Variants in TGFBI observed in about 807,000 individuals in gnomAD.
The protein encoded by TGFBI is transforming growth factor-beta-induced protein ig-h3.
In TGFBI, 50 loss-of-function variants were observed where a neutral mutation model predicts 73.7. The ratio of observed to expected loss-of-function variants is 0.68; its 90% confidence interval spans 0.54 to 0.86. The LOEUF is 0.86. TGFBI is among the 40% of genes least tolerant of loss of function. The pLI is 0.00. For missense variants in TGFBI, 839 were observed against 877.0 expected, an observed-to-expected ratio of 0.96 and a Z score of 0.55; for synonymous variants, 362 against 360.5, an observed-to-expected ratio of 1.00 and a Z score of -0.05.
chr5:136,061,193 C>T, intron 14 of TGFBI: 1 of 575,094 alleles, frequency 1.7e-6, no homozygotes, highest in Non-Finnish European at 3.1e-6. Context: ...GCCCAGTTTT[C>T]TGTATTCGCG....
chr5:136,053,888 T>A (rs1264215958), intron 8 of TGFBI, 55 bp from the exon 9 acceptor site: 15 of 1,606,310 alleles, frequency 9.3e-6, no homozygotes, highest in Non-Finnish European at 1.3e-5. Flanking sequence ...GGTGGATGAA[T>A]GATAAATGAA....
chr5:136,045,092 T>C (rs1338349309), intron 3 of TGFBI, among the ~76,000 whole-genome samples: 1 of 152,184 alleles, frequency 6.6e-6, no homozygotes, highest in Non-Finnish European at 1.5e-5. Flanking sequence ...CCAACTGTAT[T>C]GGCTATTTTT....
At chr5:136,043,771 T>G (rs1410161343) in intron 2 of TGFBI, among the ~76,000 whole-genome samples, 1 of 152,224 alleles carries the variant, frequency 6.6e-6, no homozygotes, top group East Asian at 1.9e-4. Context: ...TGCATTATGT[T>G]TTCTAGTCAC....
chr5:136,046,316 C>A lies in TGFBI; in HGVS notation c.299-19C>A. 6.2e-7 allele frequency: 1 copy of A among 1,613,800 alleles called. No individual in the cohort carries two copies. Among genetic ancestry groups the A allele is most frequent in the Non-Finnish European group, 8.5e-7 (1 of 1,179,788 alleles). On this transcript the variant is annotated intron_variant, in intron 3 of 16. Coordinates refer to ENST00000442011, the MANE Select transcript of TGFBI (RefSeq NM_000358.3). Reference sequence around the variant, plus strand: ...GGACCCCCAGAGGCCATCCCTCCTTCTGTCTTCTGCTCCTGCAGCCCTACC... The same window carrying A: ...GGACCCCCAGAGGCCATCCCTCCTTATGTCTTCTGCTCCTGCAGCCCTACC...
intron 6 of TGFBI, chr5:136,047,738 C>T (rs1363963517): frequency 1.3e-5 from 4 of 312,256 alleles, no homozygotes; most frequent in Non-Finnish European, 2.4e-5. Context: ...TGGCAGTTCC[C>T]ACATGGGGTA....
intron 7 of TGFBI, among the ~76,000 whole-genome samples, chr5:136,052,054 C>T (rs1472993746): frequency 6.6e-6 from 1 of 152,010 alleles, no homozygotes; most frequent in Non-Finnish European, 1.5e-5. Context: ...TCCAGGCCAC[C>T]TGCTCAGCCT....
intron 2 of TGFBI, among the ~76,000 whole-genome samples, chr5:136,034,831 C>T (rs974867817): frequency 2.0e-5 from 3 of 152,190 alleles, no homozygotes; most frequent in Admixed American, 6.5e-5. Flanking sequence ...AAGGCCTGAC[C>T]TTCCTCCTGT....
At chr5:136,038,224 A>G (rs1751264661) in intron 2 of TGFBI, among the ~76,000 whole-genome samples, 1 of 152,314 alleles carries the variant, frequency 6.6e-6, no homozygotes, top group East Asian at 1.9e-4. Context: ...ACATGAACCT[A>G]TGTGCCACCT....
At chr5:136,062,559 C>T in intron 15 of TGFBI, 104 bp from the exon 16 acceptor site, 1 of 1,226,260 alleles carries the variant, frequency 8.2e-7, no homozygotes, top group Non-Finnish European at 1.2e-6. Flanking sequence ...TTCCTCGCCC[C>T]AGCATTTTTT....
At chr5:136,030,492 A>G (rs553620926) in intron 1 of TGFBI, among the ~76,000 whole-genome samples, 5 of 152,248 alleles carry the variant, frequency 3.3e-5, no homozygotes, top group African/African-American at 1.2e-4. Flanking sequence ...GCAGAGTGAA[A>G]TCAAACCAGG....
At position 136,061,200 on chromosome 5, in the gene TGFBI, C is replaced by T. The variant is rs181918824; in HGVS notation, c.1906+264C>T. ...CGGACACAGCCCAGTTTTCTGTATTCGCGTGGATGCTGTCCGCGCGATTCC... is the reference window on the plus strand; with the variant it reads ...CGGACACAGCCCAGTTTTCTGTATTTGCGTGGATGCTGTCCGCGCGATTCC... On this transcript the variant is annotated intron_variant, in intron 14 of 16. Coordinates refer to ENST00000442011, the MANE Select transcript of TGFBI (RefSeq NM_000358.3). The T allele has an allele frequency of 1.7e-5, 10 of 574,456 alleles. No homozygotes were observed. In the East Asian group the frequency reaches 2.0e-4, roughly 12 times the overall value. 35.6% of individuals were successfully genotyped at this position (574,456 alleles called of 1,614,324 possible).
chr5:136,057,092 C>T (rs968164326), intron 12 of TGFBI, among the ~76,000 whole-genome samples: 1 of 152,064 alleles, frequency 6.6e-6, no homozygotes, highest in Admixed American at 6.6e-5. Context: ...CCATGTGCAG[C>T]CAGCCACTGT....
chr5:136,063,624 T>G lies in TGFBI; in HGVS notation c.*398T>G. On this transcript the variant is annotated 3_prime_UTR_variant, in exon 17 of 17. Coordinates refer to ENST00000442011, the MANE Select transcript of TGFBI (RefSeq NM_000358.3). ...TCCTGGCACAGTTTTTGTAAAGCCC[T>G]TGCACAGCTGGAGAAATGGCATCAT... 5.0e-6 allele frequency: 1 copy of G among 199,106 alleles called. No homozygotes were observed. The highest frequency in any genetic ancestry group is 1.3e-4 in the East Asian group (1 of 7,560). The allele number at this position is 199,106 out of a possible 1,614,324, so 12.3% of individuals were successfully genotyped here. A position where few individuals can be genotyped will look rare whatever the true frequency, so the allele number is the denominator to read the frequency against.
intron 9 of TGFBI, 84 bp downstream of exon 9, chr5:136,054,164 A>G (rs1377099022): frequency 6.5e-7 from 1 of 1,538,150 alleles, no homozygotes; most frequent in Non-Finnish European, 8.8e-7. Flanking sequence ...TCTCCGATTT[A>G]CAGCACCCCA....
At chr5:136,059,056 G>T (rs558284208) in intron 12 of TGFBI, 34 bp from the exon 13 acceptor site, 2 of 1,601,350 alleles carry the variant, frequency 1.2e-6, no homozygotes, top group East Asian at 2.2e-5. Context: ...CCATTCTTGG[G>T]ATTAACTCTA....
chr5:136,047,030 G>A lies in TGFBI; in HGVS notation c.624+15G>A, dbSNP rs1580714752. The A allele has an allele frequency of 6.2e-7, 1 of 1,609,554 alleles. No homozygotes were observed. Among genetic ancestry groups the A allele is most frequent in the East Asian group, 2.2e-5 (1 of 44,832 alleles). ...ATCCTAATGGGGTAGGGGATCCCCA[G>A]CCATACTGCATGGCCCTTGGTGCAT... On this transcript the variant is annotated intron_variant, in intron 5 of 16. Coordinates refer to ENST00000442011, the MANE Select transcript of TGFBI (RefSeq NM_000358.3).
rs1401699733 is a variant in TGFBI at position 136,046,351 on chromosome 5, C to A, written c.315C>A (p.Asn105Lys). Residue 105 changes from asparagine to lysine, a missense_variant, in exon 4 of 17, where the codon AAC (asparagine) becomes AAA (lysine). By Grantham distance (94) the Asn-to-Lys change is moderately conservative. Transcript: ENST00000442011. Reference sequence around the variant, plus strand: ...CTCCTGCAGCCCTACCACTCTCAAACCTTTACGAGACCCTGGGAGTCGTTG... The same window carrying A: ...CTCCTGCAGCCCTACCACTCTCAAAACTTTACGAGACCCTGGGAGTCGTTG... ...KGCPAALPLS[N>K]LYETLGVVGS... is the part of the protein sequence containing the mutation. The A allele has an allele frequency of 6.2e-7, 1 of 1,613,988 alleles. No homozygotes were observed. Among genetic ancestry groups the A allele is most frequent in the Non-Finnish European group, 8.5e-7 (1 of 1,179,874 alleles).
At chr5:136,054,617 C>T (rs1751593137) in intron 9 of TGFBI, 99 bp from the exon 10 acceptor site, 2 of 1,534,920 alleles carry the variant, frequency 1.3e-6, no homozygotes, top group Admixed American at 3.3e-5. Flanking sequence ...TGTTTCCAAA[C>T]TCAAGGAGGG....
In TGFBI at chr5:136,033,853, C is replaced by T; in HGVS notation, c.225C>T (p.Gly75=). ...AGTGGTACCAAAGGAAAATCTGTGG[C>T]AAATCAACGTGAGTATCTGTAACCA... ...CKQWYQRKIC[G]KSTVISYECC... The change falls in exon 2 of 17, where the codon GGC becomes GGT. Residue 75 remains glycine (G), a synonymous_variant. Coordinates refer to ENST00000442011, the MANE Select transcript of TGFBI (RefSeq NM_000358.3). 1 of 1,613,430 alleles carries T rather than the reference C, an allele frequency of 6.2e-7. No homozygotes were observed. The highest frequency in any genetic ancestry group is 1.3e-5 in the African/African-American group (1 of 75,046).
Sources: gnomAD v4.1 joint callset for allele counts (sites outside exome capture counted in the v4.1 genomes callset) on GRCh38, gnomAD v4.1.1 for gene constraint, MANE v1.5 for transcripts, NCBI Gene and HGNC (gene_info 2026-07-23, HGNC 2026-07-21) for gene names.